The following NRXN1 variants were observed in gnomAD, a reference collection of about 807,000 sequenced individuals.
NRXN1 encodes the protein neurexin 1.
NRXN1 carries 39 observed loss-of-function variants against 150.9 expected under a neutral mutation model. The ratio of observed to expected loss-of-function variants is 0.26; its 90% CI spans 0.20 to 0.34. The LOEUF (loss-of-function observed/expected upper bound fraction) is 0.34. NRXN1 is among the 10% of genes least tolerant of loss of function. The probability of loss-of-function intolerance (pLI) is 1.00; values close to 1 mark genes in which losing one functional copy is unlikely to be tolerated. For synonymous variants in NRXN1, 924 were observed against 757.0 expected (o/e 1.22, Z -3.62); for missense variants, 1,815 against 1,949.9 (o/e 0.93, Z 1.30).
chr2:50,395,910 C>T (rs2082024197), intron 17 of NRXN1, among the ~76,000 whole-genome samples: 1 of 152,122 alleles, frequency 6.6e-6, no homozygotes. Flanking sequence ...CCTGGTGACC[C>T]TGATGACTCA....
At chr2:50,082,128 T>A (rs1319419257) in intron 19 of NRXN1, among the ~76,000 whole-genome samples, 1 of 152,178 alleles carries the variant, frequency 6.6e-6, no homozygotes, top group Admixed American at 6.5e-5. Context: ...AAAAGCTAGA[T>A]TTCTGCATTG....
intron 18 of NRXN1, among the ~76,000 whole-genome samples, chr2:50,194,827 T>G (rs1355039835): frequency 6.6e-6 from 1 of 152,156 alleles, no homozygotes; most frequent in Non-Finnish European, 1.5e-5. Flanking sequence ...TTAAAGAGAT[T>G]TCTTTGAGTG....
At chr2:50,848,849 AG>A (rs1674085353) in intron 5 of NRXN1, among the ~76,000 whole-genome samples, 1 of 152,156 alleles carries the variant, frequency 6.6e-6, no homozygotes, top group Non-Finnish European at 1.5e-5. Context: ...TGCTTTAAGG[AG>A]GACAAAACAA....
rs57580154 is a variant in NRXN1, at chr2:50,026,859, C to CTTTTTTTTTTTTTTTTTTTTTTTTTTT, written c.4128+26385_4128+26411dup. ...TTGCATTGTTTAAGTCTTTTCTTTT[C>CTTTTTTTTTTTTTTTTTTTTTTTTTTT]TTTTTTTTTTTTTTTTTTTTTTTTT... On this transcript the variant is annotated intron_variant, in intron 21 of 22. Coordinates refer to ENST00000401669, the MANE Select transcript of NRXN1 (RefSeq NM_001330078.2). Among the ~76,000 whole-genome samples the CTTTTTTTTTTTTTTTTTTTTTTTTTTT allele has an allele frequency of 3.2e-4, 21 of 65,240 alleles. 8 individuals are homozygous for CTTTTTTTTTTTTTTTTTTTTTTTTTTT. The highest frequency in any genetic ancestry group is 5.8e-4 in the African/African-American group (9 of 15,540). The allele number at this position is 65,240 out of a possible 152,430, so 42.8% of individuals were successfully genotyped here.
intron 2 of NRXN1, among the ~76,000 whole-genome samples, chr2:50,970,877 C>T (rs959822620): frequency 2.6e-5 from 4 of 151,886 alleles, no homozygotes; most frequent in Admixed American, 1.3e-4. Context: ...TATCCATTAT[C>T]TTTGTTTCCA....
intron 15 of NRXN1, among the ~76,000 whole-genome samples, chr2:50,475,231 T>C (rs549613268): frequency 5.1e-4 from 78 of 152,148 alleles, no homozygotes; most frequent in African/African-American, 1.8e-3. Flanking sequence ...AAATTATGTA[T>C]AGAATACTAT....
At chr2:50,600,482 G>A (rs373110936) in intron 8 of NRXN1, among the ~76,000 whole-genome samples, 39 of 152,054 alleles carry the variant, frequency 2.6e-4, no homozygotes, top group African/African-American at 8.7e-4. Context: ...GTGCCACCAT[G>A]TCCGGCTAAT....
chr2:50,072,421 C>A (rs1696422515), intron 19 of NRXN1, among the ~76,000 whole-genome samples: 2 of 151,650 alleles, frequency 1.3e-5, no homozygotes, highest in African/African-American at 4.8e-5. Context: ...CTGTGAGATC[C>A]CAAAAGATAC....
At chr2:50,197,897 G>T (rs1184066167) in intron 18 of NRXN1, among the ~76,000 whole-genome samples, 1 of 152,134 alleles carries the variant, frequency 6.6e-6, no homozygotes, top group East Asian at 1.9e-4. Context: ...AAGTCACAAA[G>T]TTAATACTTC....
At chr2:50,071,695 C>T (rs1696319212) in intron 19 of NRXN1, among the ~76,000 whole-genome samples, 1 of 152,132 alleles carries the variant, frequency 6.6e-6, no homozygotes, top group Admixed American at 6.5e-5. Flanking sequence ...TATGGCAGTC[C>T]TAGCAAACTA....
intron 9 of NRXN1, chr2:50,551,196 A>C (rs1667486913): frequency 6.6e-6 from 1 of 152,226 alleles, no homozygotes; most frequent in Non-Finnish European, 1.5e-5. Flanking sequence ...ATTTAGGGAG[A>C]CAAAGTTTCC....
At chr2:50,197,335 T>G (rs901754448) in intron 18 of NRXN1, among the ~76,000 whole-genome samples, 1 of 152,136 alleles carries the variant, frequency 6.6e-6, no homozygotes, top group African/African-American at 2.4e-5. Flanking sequence ...CATTAGCATA[T>G]CAATTGATCA....
intron 18 of NRXN1, among the ~76,000 whole-genome samples, chr2:50,102,346 T>C (rs1701088511): frequency 6.6e-6 from 1 of 152,052 alleles, no homozygotes; most frequent in Admixed American, 6.6e-5. Flanking sequence ...AAAATGTGTG[T>C]TGCTGGTTAT....
intron 17 of NRXN1, among the ~76,000 whole-genome samples, chr2:50,448,198 T>C (rs973008522): frequency 2.6e-5 from 4 of 152,132 alleles, no homozygotes; most frequent in African/African-American, 9.7e-5. Context: ...GTCTAATAAA[T>C]AAAAACTCTG....
At chr2:49,996,431 A>T (rs1683013653) in intron 21 of NRXN1, among the ~76,000 whole-genome samples, 2 of 152,224 alleles carry the variant, frequency 1.3e-5, no homozygotes, top group Non-Finnish European at 2.9e-5. Flanking sequence ...GGATTTACAT[A>T]GTATGGTAGG....
intron 8 of NRXN1, among the ~76,000 whole-genome samples, chr2:50,571,145 G>C (rs79441906): frequency 0.061 from 9,265 of 152,202 alleles, 357 homozygotes; most frequent in Middle Eastern, 0.17. Flanking sequence ...TTCTTGGAGA[G>C]TCTAGTTGAT....
intron 9 of NRXN1, among the ~76,000 whole-genome samples, chr2:50,539,263 T>C (rs1334465315): frequency 6.6e-6 from 1 of 152,206 alleles, no homozygotes; most frequent in East Asian, 1.9e-4. Context: ...GTAATGTACA[T>C]GGTTTATAAT....
intron 18 of NRXN1, among the ~76,000 whole-genome samples, chr2:50,202,977 T>C (rs2062291237): frequency 6.6e-6 from 1 of 152,008 alleles, no homozygotes; most frequent in African/African-American, 2.4e-5. Flanking sequence ...TGGCTAGATG[T>C]CAATGGGAGA....
chr2:50,212,728 C>T (rs1222927768), intron 18 of NRXN1, among the ~76,000 whole-genome samples: 2 of 151,760 alleles, frequency 1.3e-5, no homozygotes, highest in Admixed American at 1.3e-4. Context: ...GAAAGAAAAA[C>T]CAAGGGAAAG....
Sources: allele counts gnomAD v4.1 joint callset (sites outside exome capture counted in the v4.1 genomes callset), GRCh38; gene constraint gnomAD v4.1.1; transcripts MANE v1.5; gene names NCBI Gene and HGNC (gene_info 2026-07-23, HGNC 2026-07-21).